TYK2: variants seen among roughly 807,000 people sequenced by gnomAD.
TYK2 encodes the protein non-receptor tyrosine-protein kinase TYK2.
In TYK2, 65 loss-of-function variants were observed where a neutral mutation model predicts 130.9. The observed-to-expected ratio is 0.50, with a 90% confidence interval of 0.41 to 0.61. The LOEUF is 0.61. TYK2 is among the 20% of genes least tolerant of loss of function. TYK2 has a pLI of 0.00. For synonymous variants in TYK2, 647 were observed against 658.9 expected, an observed-to-expected ratio of 0.98 and a Z score of 0.28; for missense variants, 1,378 against 1,610.7, an observed-to-expected ratio of 0.86 and a Z score of 2.47.
chr19:10,371,130 T>A (rs1221605853), intron 3 of TYK2, among the ~76,000 whole-genome samples: 1 of 151,770 alleles, frequency 6.6e-6, no homozygotes, highest in Admixed American at 6.6e-5. Context: ...CATGCCCAGC[T>A]GATTTTTGTA....
At chr19:10,376,260 G>A (rs62130729) in intron 3 of TYK2, among the ~76,000 whole-genome samples, 17,977 of 109,804 alleles carry the variant, frequency 0.16, 1,137 homozygotes, top group East Asian at 0.44. Context: ...TGATCTGCCC[G>A]CCTCAGCCTC....
Position 10,354,147 on chromosome 19 carries a change from C to A in TYK2, c.2803G>T (p.Asp935Tyr). The change falls in exon 20 of 25, where the codon GAC becomes TAC. Residue 935 changes from aspartate to tyrosine, a missense_variant. Physicochemically the swap from Asp to Tyr is radical, Grantham distance 160. Transcript: ENST00000525621. ...EMVAVKALKADCGPQHRSGWK... is the reference protein window; with the variant it reads ...EMVAVKALKAYCGPQHRSGWK... ...CCCGAGCGGTGCTGGGGGCCGCAGT[C>A]TGCCTTGAGGGCTTTCACCGCCACC... 5 of 1,614,056 alleles carry A rather than the reference C, an allele frequency of 3.1e-6. No individual in the cohort carries two copies. The highest frequency in any genetic ancestry group is 4.2e-6 in the Non-Finnish European group (5 of 1,180,034).
chr19:10,352,795 C>G (rs1472484228), intron 22 of TYK2, 131 bp downstream of exon 22: 1 of 1,244,720 alleles, frequency 8.0e-7, no homozygotes, highest in Non-Finnish European at 1.1e-6. Flanking sequence ...ATAGGCCCCA[C>G]CCCCGCACCG....
chr19:10,377,403 GAT>G, intron 3 of TYK2, among the ~76,000 whole-genome samples: 5 of 132,656 alleles, frequency 3.8e-5, no homozygotes, highest in Non-Finnish European at 6.4e-5. Context: ...TGGGTGGGTG[GAT>G]GGATGGATGG....
chr19:10,357,489 CCTGGGCGT>C, intron 17 of TYK2: 1 of 704,996 alleles, frequency 1.4e-6, no homozygotes. Flanking sequence ...CACTCTGCAG[CCTGGGCGT>C]CTCCCATCGC....
rs371937276 is a variant in TYK2 at position 10,365,707 on chromosome 19, C to T, written c.821G>A (p.Arg274His). The change falls in exon 7 of 25, where the codon CGT becomes CAT. Residue 274 changes from arginine to histidine, a missense_variant. Coordinates refer to ENST00000525621, the MANE Select transcript of TYK2 (RefSeq NM_003331.5). Reference protein sequence around the residue: ...ERLAPRFGTERVPVCHLRLLA... With the variant: ...ERLAPRFGTEHVPVCHLRLLA... ...CAGCCTCAGGTGGCACACGGGCACA[C>T]GCTCTGTGCCGAAGCGGGGTGCCAG... 75 of 1,612,914 alleles carry T rather than the reference C, an allele frequency of 4.6e-5. No homozygotes were observed. The highest frequency in any genetic ancestry group is 2.5e-4 in the African/African-American group (19 of 74,936).
Position 10,365,579 on chromosome 19 carries a change from G to A in TYK2, c.949C>T (p.Leu317=). The change falls in exon 7 of 25, where the codon CTG becomes TTG. Residue 317 remains leucine, a synonymous_variant. Transcript: ENST00000525621. ...TGGATGCCACCAGTGCCTGTCACCA[G>A]CACCTCGTGGGTTGGGGGCCCAGCA... The part of the protein sequence containing the change: ...SAAGPPTHEV[L]VTGTGGIQWW... 6.2e-7 allele frequency: 1 copy of A among 1,614,126 alleles called. No homozygotes were observed. The highest frequency in any genetic ancestry group is 8.5e-7 in the Non-Finnish European group (1 of 1,180,018).
Position 10,370,273 on chromosome 19 carries a change from T to A in TYK2, c.194-1855A>T, listed in dbSNP as rs144457626. 5.2e-3 allele frequency among the ~76,000 whole-genome samples: 781 copies of A among 150,492 alleles called. 13 individuals carry two copies. The highest frequency in any genetic ancestry group is 0.031 in the East Asian group (157 of 5,068). ...ACTTGGGAGGCTGAGGCAGGAGGAC[T>A]GCTTGAACCCGGGAGGCGGAGGTTG... is the stretch of plus-strand genomic sequence containing the variant. On this transcript the variant is annotated intron_variant, in intron 3 of 24. Coordinates refer to ENST00000525621, the MANE Select transcript of TYK2 (RefSeq NM_003331.5).
At chr19:10,374,657 G>C (rs1278221824) in intron 3 of TYK2, among the ~76,000 whole-genome samples, 1 of 150,818 alleles carries the variant, frequency 6.6e-6, no homozygotes, top group Non-Finnish European at 1.5e-5. Context: ...AGAGGCCGAG[G>C]CAGGGGGAAC....
intron 3 of TYK2, among the ~76,000 whole-genome samples, chr19:10,372,843 C>CCCT (rs2041974638): frequency 6.6e-6 from 1 of 151,708 alleles, no homozygotes; most frequent in Non-Finnish European, 1.5e-5. Context: ...ATTATACTGC[C>CCCT]CCTCTGTGAA....
At position 10,361,580 on chromosome 19, in the gene TYK2, T is replaced by C. The variant is rs975547596; in HGVS notation, c.1978A>G (p.Ser660Gly). 6.5e-7 allele frequency: 1 copy of C among 1,549,146 alleles called. No individual in the cohort carries two copies. Among genetic ancestry groups the C allele is most frequent in the Middle Eastern group, 1.7e-4 (1 of 5,808 alleles). ...GTGTGGGAGACCTGGCTCATGAGGC[T>C]GGCTGTCTCGTAGAAGGCCTGTGGG... ...DIALAFYETA[S>G]LMSQVSHTHL... is the part of the protein sequence containing the mutation. Residue 660 changes from serine to glycine, a missense_variant, in exon 14 of 25, where the codon AGC becomes GGC. Transcript: ENST00000525621. This position sits in a 1 kb window ranked among gnomAD's most constrained non-coding sequence, Gnocchi z 4.0.
At chr19:10,366,030 T>A (rs2041648722) in intron 6 of TYK2, 132 bp from the exon 7 acceptor site, 2 of 1,037,504 alleles carry the variant, frequency 1.9e-6, no homozygotes, top group African/African-American at 1.6e-5. Context: ...TAGCCAGGTG[T>A]GGTGACTTGA....
chr19:10,365,964 G>A (rs547535613), intron 6 of TYK2, 66 bp from the exon 7 acceptor site: 566 of 1,503,124 alleles, frequency 3.8e-4, no homozygotes, highest in Non-Finnish European at 4.9e-4. Context: ...GGTGACACAG[G>A]GCAAGTGGCT....
chr19:10,366,733 T>TAAAA (rs750662938), intron 5 of TYK2, among the ~76,000 whole-genome samples, 153 bp from the exon 6 acceptor site: 1 of 101,910 alleles, frequency 9.8e-6, no homozygotes, highest in Admixed American at 1.1e-4. Context: ...GCTGATGAGC[T>TAAAA]AAAAAAAAAA....
At position 10,350,835 on chromosome 19, in the gene TYK2, C is replaced by T. The variant is rs1302125515; in HGVS notation, c.3563G>A (p.Ter1188=). Residue 1188 remains the stop codon, a stop_retained_variant, in exon 25 of 25, where the codon TGA becomes TAA. Transcript: ENST00000525621. ...CCCAGGCAGGGCTGCCATTGTGCCT[C>T]AGCACACGCTGAACACTGAAGGGGC... ...GQAPSVFSVC[*] 12 of 1,613,158 alleles carry T rather than the reference C, an allele frequency of 7.4e-6. No individual in the cohort carries two copies. The highest frequency in any genetic ancestry group is 1.0e-5 in the Non-Finnish European group (12 of 1,180,036).
In TYK2 at chr19:10,364,826, G is replaced by A. The variant is rs2041579767; in HGVS notation, c.1209+25C>T. 6.2e-7 allele frequency: 1 copy of A among 1,613,814 alleles called. No homozygotes were observed. Among genetic ancestry groups the A allele is most frequent in the Admixed American group, 1.7e-5 (1 of 60,008 alleles). On this transcript the variant is annotated intron_variant, in intron 8 of 24. Transcript: ENST00000525621. The surrounding 1 kb of genome is among the most constrained non-coding windows in gnomAD (Gnocchi z 4.9). ...TCCTCCCAGGCCATGATGGGCCCTA[G>A]CCCAGCCCCTACCCTGGGCCTCACC... is the stretch of plus-strand genomic sequence containing the variant.
chr19:10,365,379 C>T, intron 7 of TYK2, 138 bp downstream of exon 7: 1 of 1,340,998 alleles, frequency 7.5e-7, no homozygotes, highest in Non-Finnish European at 1.0e-6. Flanking sequence ...AGAAACTGGC[C>T]CTAGCGGACA....
rs1295028551 is a variant in TYK2, at chr19:10,366,498, C to T, written c.548G>A (p.Ser183Asn). Residue 183 changes from serine (S) to asparagine (N), a missense_variant, in exon 6 of 25, where the codon AGC (serine) becomes AAC (asparagine). Transcript: ENST00000525621. ...GAGGTGCAGAAAGGCCATGCCCAGG[C>T]TCTCATTCTTAAAGTGGTGGATCTC... ...EEEIHHFKNE[S>N]LGMAFLHLCH... 6.2e-7 allele frequency: 1 copy of T among 1,613,978 alleles called. No homozygotes were observed. Among genetic ancestry groups the T allele is most frequent in the Non-Finnish European group, 8.5e-7 (1 of 1,180,024 alleles).
In TYK2 at chr19:10,352,511, C is replaced by A; in HGVS notation, c.3241G>T (p.Ala1081Ser). Residue 1081 changes from alanine to serine, a missense_variant, in exon 23 of 25, where the codon GCG (alanine) becomes TCG (serine). Coordinates refer to ENST00000525621, the MANE Select transcript of TYK2 (RefSeq NM_003331.5). ...ECLKEYKFYY[A>S]SDVWSFGVTL... ...ACCCCGAAGGACCAGACATCTGACG[C>A]ATAGTAGAACTTATACTCCTTCAGG... is the stretch of plus-strand genomic sequence containing the variant. 1 of 1,596,174 alleles carries A rather than the reference C, an allele frequency of 6.3e-7. No homozygotes were observed.
Sources: gnomAD v4.1 joint callset for allele counts (sites outside exome capture counted in the v4.1 genomes callset) on GRCh38, gnomAD v4.1.1 for gene constraint, Gnocchi (gnomAD v3.1) non-coding constraint, MANE v1.5 for transcripts, NCBI Gene and HGNC (gene_info 2026-07-23, HGNC 2026-07-21) for gene names.